RALGAPA2: variants seen among roughly 807,000 people sequenced by gnomAD.
The protein encoded by RALGAPA2 is ral GTPase-activating protein subunit alpha-2.
A neutral mutation model predicts 230.4 loss-of-function variants in RALGAPA2; 139 were observed. The ratio of observed to expected loss-of-function variants is 0.60; its 90% CI spans 0.53 to 0.69. The LOEUF (loss-of-function observed/expected upper bound fraction) is 0.69, where lower values mean the gene tolerates loss of function less well. RALGAPA2 is among the 30% of genes least tolerant of loss of function. The pLI, the probability that RALGAPA2 is intolerant of heterozygous loss-of-function variation, is 0.00. For missense variants in RALGAPA2, 2,163 were observed against 2,276.0 expected (o/e 0.95, Z 1.01); for synonymous variants, 847 against 837.8 (o/e 1.01, Z -0.19).
intron 37 of RALGAPA2, among the ~76,000 whole-genome samples, chr20:20,452,610 G>GCCCAGC (rs536873749): frequency 5.0e-3 from 757 of 152,328 alleles, no homozygotes; most frequent in Non-Finnish European, 8.2e-3. Context: ...AGCGGCAACG[G>GCCCAGC]CCCAGCGAGG....
Position 20,393,003 on chromosome 20 carries a change from C to A in RALGAPA2, c.*286G>T. ...ACTTTTTCTTTTCTTCTTTGGAAGT[C>A]CAAGGTTTGTGAGGTTTCAGGACAA... On this transcript the variant is annotated 3_prime_UTR_variant, in exon 40 of 40. Transcript: ENST00000202677. 1 of 1,152,646 alleles carries A rather than the reference C, an allele frequency of 8.7e-7. No homozygotes were observed. Among genetic ancestry groups the A allele is most frequent in the South Asian group, 1.4e-5 (1 of 72,504 alleles). 71.4% of individuals were successfully genotyped at this position (1,152,646 alleles called of 1,614,324 possible).
At chr20:20,528,433 G>C (rs1442644973) in intron 27 of RALGAPA2, among the ~76,000 whole-genome samples, 1 of 152,142 alleles carries the variant, frequency 6.6e-6, no homozygotes, top group African/African-American at 2.4e-5. Context: ...GTGAGGGATG[G>C]ACTTGGGCAG....
At chr20:20,614,283 A>G (rs1455552584) in intron 13 of RALGAPA2, among the ~76,000 whole-genome samples, 2 of 152,204 alleles carry the variant, frequency 1.3e-5, no homozygotes. Context: ...ATGAATTAGT[A>G]AAAAACAGAA....
Position 20,676,144 on chromosome 20 carries a change from C to T in RALGAPA2, c.270+92G>A, listed in dbSNP as rs935631050. On this transcript the variant is annotated intron_variant, in intron 3 of 39. Coordinates refer to ENST00000202677, the MANE Select transcript of RALGAPA2 (RefSeq NM_020343.4). ...AAAAAAATATATGTCCACCAACAGC[C>T]ATTTTTATTTGTCTTCAAATAAAAT... is the stretch of plus-strand genomic sequence containing the variant. 5 of 854,310 alleles carry T rather than the reference C, an allele frequency of 5.9e-6. No homozygotes were observed. The South Asian group carries it at 1.1e-4, about 20-fold the overall frequency. The allele number at this position is 854,310 out of a possible 1,614,324, so 52.9% of individuals were successfully genotyped here.
At chr20:20,548,588 T>C (rs964337982) in intron 23 of RALGAPA2, among the ~76,000 whole-genome samples, 2 of 152,154 alleles carry the variant, frequency 1.3e-5, no homozygotes, top group African/African-American at 4.8e-5. Flanking sequence ...ACATGAACCA[T>C]GCTTCTTCCA....
chr20:20,705,072 G>A lies in RALGAPA2; in HGVS notation c.106+7303C>T, dbSNP rs536622218. ...CCTCTGTGCCACTCAAAACCCTCAC[G>A]GTAAATTTCATTGTTTACATGGCTA... On this transcript the variant is annotated intron_variant, in intron 1 of 39. Transcript: ENST00000202677. Among the ~76,000 whole-genome samples the A allele has an allele frequency of 3.9e-5, 6 of 152,242 alleles. No homozygotes were observed. In the South Asian group the frequency reaches 1.0e-3, roughly 26 times the overall value.
intron 26 of RALGAPA2, among the ~76,000 whole-genome samples, chr20:20,532,588 T>C (rs1418675009): frequency 2.0e-5 from 3 of 152,190 alleles, no homozygotes; most frequent in Non-Finnish European, 4.4e-5. Context: ...AGGGCTCAGT[T>C]ATGGTTGTGT....
intron 38 of RALGAPA2, among the ~76,000 whole-genome samples, chr20:20,411,320 C>G (rs1284020799): frequency 5.3e-5 from 8 of 152,130 alleles, no homozygotes; most frequent in Non-Finnish European, 1.2e-4. Context: ...ACACAGTAAT[C>G]ACATAATCTG....
At position 20,440,768 on chromosome 20, in the gene RALGAPA2, G is replaced by A. The variant is rs553070719; in HGVS notation, c.5496-28620C>T. 5.3e-5 allele frequency among the ~76,000 whole-genome samples: 8 copies of A among 152,366 alleles called. No individual in the cohort carries two copies. The South Asian group carries it at 1.7e-3, about 32-fold the overall frequency. On this transcript the variant is annotated intron_variant, in intron 37 of 39. Coordinates refer to ENST00000202677, the MANE Select transcript of RALGAPA2 (RefSeq NM_020343.4). ...TTGGCAGCTGACGGGCAACCTCACT[G>A]CCAGGTGGTCGCGCTTCAATTACAT...
At chr20:20,688,249 T>C (rs1002811198) in intron 1 of RALGAPA2, among the ~76,000 whole-genome samples, 1 of 151,552 alleles carries the variant, frequency 6.6e-6, no homozygotes, top group African/African-American at 2.4e-5. Context: ...GAGGTTGCGG[T>C]GAGCCAACAC....
chr20:20,548,075 T>C (rs895048021), intron 23 of RALGAPA2, among the ~76,000 whole-genome samples: 8 of 152,134 alleles, frequency 5.3e-5, no homozygotes, highest in Admixed American at 2.0e-4. Context: ...ACGTGACTTA[T>C]AGTTATACAA....
At chr20:20,612,816 G>A (rs751117663) in intron 13 of RALGAPA2, among the ~76,000 whole-genome samples, 2 of 152,128 alleles carry the variant, frequency 1.3e-5, no homozygotes, top group Non-Finnish European at 1.5e-5. Context: ...GGCCCCTGTC[G>A]CCAGGGCAGA....
chr20:20,608,136 GA>G (rs2065876930), intron 14 of RALGAPA2, among the ~76,000 whole-genome samples: 1 of 152,108 alleles, frequency 6.6e-6, no homozygotes, highest in African/African-American at 2.4e-5. Context: ...ACTGAAATTT[GA>G]TGTTTTATCA....
chr20:20,692,594 C>A lies in RALGAPA2; in HGVS notation c.107-11793G>T, dbSNP rs1023315215. On this transcript the variant is annotated intron_variant, in intron 1 of 39. Transcript: ENST00000202677. ...AATTATGGTGGCAACATGCTCCTTGCCAGTGACTCAAGCCTGTGACCCAAT... is the reference window on the plus strand; with the variant it reads ...AATTATGGTGGCAACATGCTCCTTGACAGTGACTCAAGCCTGTGACCCAAT... Among the ~76,000 whole-genome samples, 3 of 152,204 alleles carry A rather than the reference C, an allele frequency of 2.0e-5. No homozygotes were observed. The South Asian group carries it at 6.2e-4, about 32-fold the overall frequency.
chr20:20,443,234 G>A (rs369821923), intron 37 of RALGAPA2, among the ~76,000 whole-genome samples: 19 of 152,320 alleles, frequency 1.2e-4, no homozygotes, highest in Non-Finnish European at 1.5e-4. Flanking sequence ...CTACCGTGGC[G>A]TGGGGATGTA....
At chr20:20,611,951 C>T (rs1396940484) in intron 13 of RALGAPA2, among the ~76,000 whole-genome samples, 1 of 152,186 alleles carries the variant, frequency 6.6e-6, no homozygotes, top group Non-Finnish European at 1.5e-5. Flanking sequence ...CATTACAGGA[C>T]ACTTACAGGC....
At chr20:20,558,493 C>T (rs1367622873) in intron 23 of RALGAPA2, among the ~76,000 whole-genome samples, 2 of 152,146 alleles carry the variant, frequency 1.3e-5, no homozygotes, top group Non-Finnish European at 2.9e-5. Context: ...TTAACTCCTA[C>T]TCTCATAGAA....
chr20:20,503,562 C>G lies in RALGAPA2; in HGVS notation c.5053-56G>C, dbSNP rs1041221864. 2.3e-6 allele frequency: 3 copies of G among 1,304,940 alleles called. No homozygotes were observed. The African/African-American group carries it at 4.6e-5, about 20-fold the overall frequency. The allele number at this position is 1,304,940 out of a possible 1,614,324, so 80.8% of individuals were successfully genotyped here. On this transcript the variant is annotated intron_variant, in intron 34 of 39. Coordinates refer to ENST00000202677, the MANE Select transcript of RALGAPA2 (RefSeq NM_020343.4). ...GGATCAAAAATGAGCTGCTCTTTCA[C>G]TAAGCAGGACTGTGAATTCAGAAAA...
chr20:20,624,697 T>C (rs2146377856), intron 10 of RALGAPA2, among the ~76,000 whole-genome samples: 1 of 152,316 alleles, frequency 6.6e-6, no homozygotes, highest in East Asian at 1.9e-4. Flanking sequence ...CCATGTGTAG[T>C]TCAAAAGTGA....
Sources: gnomAD v4.1 joint callset for allele counts (sites outside exome capture counted in the v4.1 genomes callset) on GRCh38, gnomAD v4.1.1 for gene constraint, MANE v1.5 for transcripts, NCBI Gene and HGNC (gene_info 2026-07-23, HGNC 2026-07-21) for gene names.